SPOCK1: variants seen among roughly 807,000 people sequenced by gnomAD.
SPOCK1 encodes the protein testican-1.
Under a neutral mutation model 55.3 loss-of-function variants are expected in SPOCK1, and 23 were observed. The observed-to-expected ratio is 0.42, with a 90% CI of 0.30 to 0.59. The LOEUF is 0.59. SPOCK1 is among the 20% of genes least tolerant of loss of function. SPOCK1 has a pLI of 0.22. For missense variants in SPOCK1, 499 were observed against 552.5 expected (o/e 0.90, Z 0.97); for synonymous variants, 226 against 221.0 (o/e 1.02, Z -0.20).
chr5:137,050,305 T>C (rs1752178116), intron 6 of SPOCK1, among the ~76,000 whole-genome samples: 1 of 129,416 alleles, frequency 7.7e-6, no homozygotes, highest in Non-Finnish European at 1.7e-5. Flanking sequence ...TCCGTGGGCG[T>C]AGGACCCTCT....
chr5:137,170,125 G>C (rs1024683758), intron 3 of SPOCK1, among the ~76,000 whole-genome samples: 8 of 152,150 alleles, frequency 5.3e-5, no homozygotes, highest in African/African-American at 1.7e-4. Context: ...TGTAGTGTTT[G>C]CATATAACCT....
chr5:137,374,093 T>C (rs1751261463), intron 2 of SPOCK1, among the ~76,000 whole-genome samples: 1 of 152,258 alleles, frequency 6.6e-6, no homozygotes, highest in African/African-American at 2.4e-5. Context: ...ACACATCTAA[T>C]GGAGATTGCA....
chr5:137,271,965 C>A (rs1225038096), intron 2 of SPOCK1, among the ~76,000 whole-genome samples: 1 of 152,088 alleles, frequency 6.6e-6, no homozygotes, highest in Non-Finnish European at 1.5e-5. Flanking sequence ...TAAATGGGAG[C>A]CTCATTTGTC....
intron 2 of SPOCK1, among the ~76,000 whole-genome samples, chr5:137,283,653 T>A (rs1649572626): frequency 6.6e-6 from 1 of 151,702 alleles, no homozygotes; most frequent in African/African-American, 2.4e-5. Context: ...AGGTGGAGGT[T>A]GAAGTGAGCC....
intron 3 of SPOCK1, among the ~76,000 whole-genome samples, chr5:137,248,712 A>G (rs553815898): frequency 1.3e-5 from 2 of 152,350 alleles, no homozygotes; most frequent in African/African-American, 4.8e-5. Flanking sequence ...CATGTTCATC[A>G]TGCATATTCA....
chr5:137,437,776 T>A (rs1752895126), intron 2 of SPOCK1, among the ~76,000 whole-genome samples: 2 of 152,234 alleles, frequency 1.3e-5, no homozygotes, highest in African/African-American at 4.8e-5. Context: ...TTTTGAAATG[T>A]ACAGATTATT....
intron 2 of SPOCK1, among the ~76,000 whole-genome samples, chr5:137,271,790 A>G (rs1223955886): frequency 3.8e-5 from 2 of 52,774 alleles, no homozygotes; most frequent in Non-Finnish European, 7.1e-5. Flanking sequence ...TATGAAGATG[A>G]TAATGTAATT....
chr5:137,129,677 GT>G (rs1753838718), intron 4 of SPOCK1, among the ~76,000 whole-genome samples: 1 of 152,166 alleles, frequency 6.6e-6, no homozygotes, highest in Non-Finnish European at 1.5e-5. Context: ...TGATGTGCAG[GT>G]CTGAAGATAT....
At chr5:137,054,075 G>T (rs868093343) in intron 6 of SPOCK1, among the ~76,000 whole-genome samples, 6 of 151,954 alleles carry the variant, frequency 3.9e-5, no homozygotes, top group African/African-American at 1.5e-4. Context: ...GTGTGCATGC[G>T]CATGCACACA....
chr5:137,214,175 A>G lies in SPOCK1; in HGVS notation c.232+52835T>C, dbSNP rs114016235. On this transcript the variant is annotated intron_variant, in intron 3 of 10. Coordinates refer to ENST00000394945, the MANE Select transcript of SPOCK1 (RefSeq NM_004598.4). ...ACTGCTATGAACCAGACATTGTATTATCTCAACTTATCTCCCCAACCTATA... is the reference window on the plus strand; with the variant it reads ...ACTGCTATGAACCAGACATTGTATTGTCTCAACTTATCTCCCCAACCTATA... Among the ~76,000 whole-genome samples the G allele has an allele frequency of 7.4e-3, 1,128 of 152,352 alleles. 16 individuals carry two copies. Among genetic ancestry groups the G allele is most frequent in the African/African-American group, 0.025 (1,049 of 41,582 alleles).
rs751140656 is a variant in SPOCK1, at chr5:137,146,826, A to G, written c.233-6132T>C. Among the ~76,000 whole-genome samples, 45 of 152,326 alleles carry G rather than the reference A, an allele frequency of 3.0e-4. 1 individual carries two copies. Among genetic ancestry groups the G allele is most frequent in the Admixed American group, 2.7e-3 (41 of 15,302 alleles). ...GGGCTGGCCAAGTTCTCCGAGGCCA[A>G]ACAAAGGGCCTATTAGACATGTGCC... On this transcript the variant is annotated intron_variant, in intron 3 of 10. Transcript: ENST00000394945.
intron 3 of SPOCK1, among the ~76,000 whole-genome samples, chr5:137,193,637 A>C (rs1256031797): frequency 2.0e-5 from 3 of 152,232 alleles, no homozygotes; most frequent in African/African-American, 7.2e-5. Flanking sequence ...ACCTAATTAA[A>C]GAAGGGATGG....
chr5:137,151,363 T>C (rs1404552866), intron 3 of SPOCK1, among the ~76,000 whole-genome samples: 3 of 152,192 alleles, frequency 2.0e-5, no homozygotes, highest in African/African-American at 2.4e-5. Context: ...TAAACTTGTA[T>C]AGAAGAGACT....
chr5:137,113,253 C>G (rs753978536), intron 4 of SPOCK1, among the ~76,000 whole-genome samples: 7 of 152,140 alleles, frequency 4.6e-5, no homozygotes, highest in Non-Finnish European at 1.0e-4. Flanking sequence ...GACTTACGTC[C>G]ACGGAAGGAA....
intron 5 of SPOCK1, among the ~76,000 whole-genome samples, chr5:137,071,774 T>C (rs1017075642): frequency 1.3e-5 from 2 of 152,000 alleles, no homozygotes; most frequent in Non-Finnish European, 2.9e-5. Context: ...CTTCTCTAAT[T>C]CTCACCCTTG....
chr5:137,362,011 G>C (rs1015337890), intron 2 of SPOCK1, among the ~76,000 whole-genome samples: 2 of 152,158 alleles, frequency 1.3e-5, no homozygotes, highest in African/African-American at 4.8e-5. Context: ...GCTGTTCAGA[G>C]ATGGAGGTGG....
intron 4 of SPOCK1, 133 bp downstream of exon 4, chr5:137,140,447 A>C: frequency 3.1e-6 from 2 of 640,198 alleles, no homozygotes; most frequent in South Asian, 2.1e-5. Flanking sequence ...TACAGGCACC[A>C]AACACCATAC....
intron 3 of SPOCK1, among the ~76,000 whole-genome samples, chr5:137,156,131 G>T (rs1375337438): frequency 1.3e-5 from 2 of 152,104 alleles, no homozygotes; most frequent in African/African-American, 4.8e-5. Flanking sequence ...TGCATTCCTG[G>T]CTCCTCAGGT....
rs868675219 is a variant in SPOCK1, at chr5:137,160,633, A to G, written c.233-19939T>C. Among the ~76,000 whole-genome samples the G allele has an allele frequency of 4.9e-4, 48 of 98,958 alleles. 1 individual carries two copies. Among genetic ancestry groups the G allele is most frequent in the Non-Finnish European group, 6.8e-4 (36 of 52,706 alleles). 64.9% of individuals were successfully genotyped at this position (98,958 alleles called of 152,430 possible). A position where few individuals can be genotyped will look rare whatever the true frequency, so the allele number is the denominator to read the frequency against. On this transcript the variant is annotated intron_variant, in intron 3 of 10. Coordinates refer to ENST00000394945, the MANE Select transcript of SPOCK1 (RefSeq NM_004598.4). Reference sequence around the variant, plus strand: ...ATATATAATATATATTTTATATAATATATAATATATATTTTATATAATATA... The same window carrying G: ...ATATATAATATATATTTTATATAATGTATAATATATATTTTATATAATATA...
Sources: gnomAD v4.1 joint callset for allele counts (sites outside exome capture counted in the v4.1 genomes callset) on GRCh38, gnomAD v4.1.1 for gene constraint, MANE v1.5 for transcripts, NCBI Gene and HGNC (gene_info 2026-07-23, HGNC 2026-07-21) for gene names.